Variants in SCFD2 observed in about 807,000 individuals in gnomAD.
SCFD2 encodes sec1 family domain-containing protein 2.
A neutral mutation model predicts 58.9 loss-of-function variants in SCFD2; 54 were observed. The ratio of observed to expected loss-of-function variants is 0.92; its 90% CI spans 0.74 to 1.15. SCFD2 has a LOEUF of 1.15. SCFD2 is among the 50% of genes most tolerant of loss of function. The pLI is 0.00. For missense variants in SCFD2, 805 were observed against 836.6 expected, an observed-to-expected ratio of 0.96 and a Z score of 0.47; for synonymous variants, 321 against 335.9, an observed-to-expected ratio of 0.96 and a Z score of 0.49.
chr4:52,975,338 A>C (rs894477158), intron 5 of SCFD2, among the ~76,000 whole-genome samples: 1 of 152,098 alleles, frequency 6.6e-6, no homozygotes, highest in Non-Finnish European at 1.5e-5. Context: ...AAAACAAACA[A>C]CCCCATCAAA....
At chr4:52,937,778 T>G (rs1474309730) in intron 5 of SCFD2, among the ~76,000 whole-genome samples, 2 of 152,098 alleles carry the variant, frequency 1.3e-5, no homozygotes, top group Non-Finnish European at 2.9e-5. Flanking sequence ...TCTGCTGGAT[T>G]TGATTGAAAG....
intron 4 of SCFD2, among the ~76,000 whole-genome samples, chr4:53,237,411 G>GAC (rs1729665264): frequency 6.7e-6 from 1 of 150,082 alleles, no homozygotes; most frequent in African/African-American, 2.5e-5. Context: ...TCCCAGTAGG[G>GAC]GGCGGCCGGG....
intron 4 of SCFD2, among the ~76,000 whole-genome samples, chr4:53,237,263 TC>T (rs1729657296): frequency 6.7e-6 from 1 of 149,412 alleles, no homozygotes; most frequent in African/African-American, 2.5e-5. Flanking sequence ...ACGGCAACCA[TC>T]CGATTTCTCA....
intron 2 of SCFD2, among the ~76,000 whole-genome samples, chr4:53,321,453 C>T (rs919451887): frequency 3.9e-5 from 6 of 151,936 alleles, no homozygotes; most frequent in East Asian, 3.9e-4. Context: ...AATGTGAACG[C>T]GTACCATTAT....
At chr4:53,128,009 A>AT (rs1218701483) in intron 5 of SCFD2, among the ~76,000 whole-genome samples, 4 of 131,834 alleles carry the variant, frequency 3.0e-5, no homozygotes, top group Admixed American at 2.5e-4. Flanking sequence ...CAAAATACTG[A>AT]TTTTTTTCAC....
intron 5 of SCFD2, among the ~76,000 whole-genome samples, chr4:52,997,199 T>C (rs1721760232): frequency 6.6e-6 from 1 of 152,190 alleles, no homozygotes; most frequent in Non-Finnish European, 1.5e-5. Flanking sequence ...TTCAGAACTT[T>C]TCCCTTAGGC....
At chr4:52,941,158 C>T (rs1028971140) in intron 5 of SCFD2, among the ~76,000 whole-genome samples, 1 of 152,050 alleles carries the variant, frequency 6.6e-6, no homozygotes, top group Admixed American at 6.5e-5. Context: ...AAGATCTTTT[C>T]AGCTGACAAA....
chr4:53,158,736 C>A (rs1418486046), intron 4 of SCFD2, among the ~76,000 whole-genome samples: 1 of 152,168 alleles, frequency 6.6e-6, no homozygotes, highest in African/African-American at 2.4e-5. Flanking sequence ...ACATATGCAT[C>A]CCATTTATCT....
At chr4:53,009,497 T>A (rs1722049989) in intron 5 of SCFD2, among the ~76,000 whole-genome samples, 1 of 152,206 alleles carries the variant, frequency 6.6e-6, no homozygotes, top group African/African-American at 2.4e-5. Context: ...AATACCTTTT[T>A]TTAGCAAGCA....
chr4:52,911,317 TCTCA>T (rs1204867431), intron 6 of SCFD2, among the ~76,000 whole-genome samples: 1 of 151,902 alleles, frequency 6.6e-6, no homozygotes, highest in Non-Finnish European at 1.5e-5. Context: ...CTAGGATCAC[TCTCA>T]CTCTTTCCCT....
At chr4:53,152,100 T>C (rs1726527664) in intron 4 of SCFD2, among the ~76,000 whole-genome samples, 1 of 152,236 alleles carries the variant, frequency 6.6e-6, no homozygotes. Flanking sequence ...TGTATTATTA[T>C]TTTTGACAAA....
chr4:52,882,653 T>C (rs1488730182), intron 8 of SCFD2, among the ~76,000 whole-genome samples: 1 of 152,206 alleles, frequency 6.6e-6, no homozygotes, highest in African/African-American at 2.4e-5. Context: ...ATCTTTCTCA[T>C]ATGCTGGATG....
intron 7 of SCFD2, among the ~76,000 whole-genome samples, chr4:52,893,308 C>T (rs187481676): frequency 6.6e-6 from 1 of 152,074 alleles, no homozygotes; most frequent in Non-Finnish European, 1.5e-5. Context: ...TGGGCTCAAG[C>T]GATCCTCCTG....
chr4:53,305,397 C>A (rs974962610), intron 3 of SCFD2, among the ~76,000 whole-genome samples: 1 of 152,054 alleles, frequency 6.6e-6, no homozygotes, highest in Non-Finnish European at 1.5e-5. Context: ...TTTATTGAGA[C>A]TATTCTTTCC....
intron 5 of SCFD2, among the ~76,000 whole-genome samples, chr4:52,967,135 C>T (rs944552575): frequency 1.3e-5 from 2 of 152,178 alleles, no homozygotes; most frequent in African/African-American, 4.8e-5. Flanking sequence ...CTTCAGTTAG[C>T]ATAATGTCTT....
chr4:53,256,681 C>T (rs1275828995), intron 4 of SCFD2, among the ~76,000 whole-genome samples: 1 of 152,018 alleles, frequency 6.6e-6, no homozygotes, highest in African/African-American at 2.4e-5. Context: ...TGGAGACCAG[C>T]CTGGCCAACA....
chr4:52,980,811 C>G (rs1172911342), intron 5 of SCFD2, among the ~76,000 whole-genome samples: 3 of 152,082 alleles, frequency 2.0e-5, no homozygotes, highest in Non-Finnish European at 4.4e-5. Flanking sequence ...TTTGTTACCC[C>G]AAAGCACACA....
At chr4:53,288,627 G>A (rs534647146) in intron 3 of SCFD2, among the ~76,000 whole-genome samples, 16 of 152,202 alleles carry the variant, frequency 1.1e-4, no homozygotes, top group South Asian at 4.2e-4. Flanking sequence ...AAACAAAACC[G>A]TTAGTGAAGA....
intron 4 of SCFD2, among the ~76,000 whole-genome samples, chr4:53,273,021 T>C (rs979258477): frequency 1.3e-5 from 2 of 152,086 alleles, no homozygotes; most frequent in African/African-American, 4.8e-5. Context: ...CTTGTAATTA[T>C]CTCTAGGGAA....
Sources: allele counts gnomAD v4.1 joint callset (sites outside exome capture counted in the v4.1 genomes callset), GRCh38; gene constraint gnomAD v4.1.1; transcripts MANE v1.5; gene names NCBI Gene and HGNC (gene_info 2026-07-23, HGNC 2026-07-21).